Variants in CNTN5 observed in about 807,000 individuals in gnomAD.
The protein encoded by CNTN5 is contactin-5.
Under a neutral mutation model 129.1 loss-of-function variants are expected in CNTN5, and 77 were observed. The ratio of observed to expected loss-of-function variants is 0.60; its 90% CI spans 0.50 to 0.72. The LOEUF is 0.72. CNTN5 is among the 30% of genes least tolerant of loss of function. CNTN5 has a pLI of 0.00. For synonymous variants in CNTN5, 509 were observed against 465.6 expected, an observed-to-expected ratio of 1.09 and a Z score of -1.20; for missense variants, 1,478 against 1,328.8, an observed-to-expected ratio of 1.11 and a Z score of -1.75.
In CNTN5 at chr11:100,123,349, T is replaced by C. The variant is rs542533702; in HGVS notation, c.1580+49055T>C. 8.3e-4 allele frequency among the ~76,000 whole-genome samples: 127 copies of C among 152,158 alleles called. 1 individual carries two copies. Among genetic ancestry groups the C allele is most frequent in the African/African-American group, 3.0e-3 (123 of 41,550 alleles). On this transcript the variant is annotated intron_variant, in intron 13 of 24. Transcript: ENST00000524871. ...CTCTATATATGTCTAGTCTTAATAT[T>C]CCATGCAGAAAGAGGAATCAAATTC...
chr11:99,164,570 ACTTACT>A (rs1860786410), intron 1 of CNTN5, among the ~76,000 whole-genome samples: 1 of 152,186 alleles, frequency 6.6e-6, no homozygotes. Flanking sequence ...AGAGTAACAT[ACTTACT>A]CTTAATGTGC....
intron 18 of CNTN5, among the ~76,000 whole-genome samples, chr11:100,277,801 T>G (rs1250728086): frequency 6.6e-6 from 1 of 152,082 alleles, no homozygotes; most frequent in Non-Finnish European, 1.5e-5. Flanking sequence ...TCCTTTGCTG[T>G]GTAGAAGCTT....
intron 1 of CNTN5, among the ~76,000 whole-genome samples, chr11:99,291,854 T>C (rs1864184116): frequency 1.3e-5 from 2 of 152,020 alleles, no homozygotes; most frequent in South Asian, 2.1e-4. Context: ...GCTCTGAAGA[T>C]ATATTCATAC....
At chr11:99,678,993 A>G (rs1953426774) in intron 3 of CNTN5, among the ~76,000 whole-genome samples, 1 of 147,766 alleles carries the variant, frequency 6.8e-6, no homozygotes, top group Non-Finnish European at 1.5e-5. Context: ...AATTCCATAA[A>G]TATACATATT....
At chr11:99,048,794 T>C (rs1483612719) in intron 1 of CNTN5, among the ~76,000 whole-genome samples, 1 of 152,198 alleles carries the variant, frequency 6.6e-6, no homozygotes, top group Non-Finnish European at 1.5e-5. Context: ...ACTGCCATTT[T>C]GGCATTTCTT....
chr11:99,277,150 G>A (rs1222939908), intron 1 of CNTN5, among the ~76,000 whole-genome samples: 1 of 151,542 alleles, frequency 6.6e-6, no homozygotes, highest in African/African-American at 2.4e-5. Flanking sequence ...AGGTGCTGAG[G>A]GAGTTGATTT....
At chr11:99,985,003 C>G (rs551805291) in intron 8 of CNTN5, among the ~76,000 whole-genome samples, 1 of 152,130 alleles carries the variant, frequency 6.6e-6, no homozygotes, top group Non-Finnish European at 1.5e-5. Flanking sequence ...TACTATCCTG[C>G]GGCAGTGCCC....
At chr11:99,883,903 G>A (rs1948833620) in intron 6 of CNTN5, among the ~76,000 whole-genome samples, 1 of 152,136 alleles carries the variant, frequency 6.6e-6, no homozygotes, top group Non-Finnish European at 1.5e-5. Flanking sequence ...CACGTCTTCT[G>A]CAACTCATAC....
chr11:99,285,981 C>T (rs1023323234), intron 1 of CNTN5, among the ~76,000 whole-genome samples: 5 of 132,626 alleles, frequency 3.8e-5, no homozygotes, highest in South Asian at 5.0e-4. Flanking sequence ...GAGGTTGTAG[C>T]GAGGTGAGAT....
At chr11:100,237,202 A>G (rs1459342887) in intron 16 of CNTN5, among the ~76,000 whole-genome samples, 1 of 151,518 alleles carries the variant, frequency 6.6e-6, no homozygotes, top group Non-Finnish European at 1.5e-5. Flanking sequence ...AAAAAAAAAA[A>G]AAAAAAGAAA....
chr11:99,722,700 A>G (rs1439610009), intron 3 of CNTN5, among the ~76,000 whole-genome samples: 2 of 151,948 alleles, frequency 1.3e-5, no homozygotes, highest in South Asian at 4.2e-4. Context: ...GTACAGTCAA[A>G]TTGCTAAGAT....
At chr11:100,062,874 A>G (rs570150449) in intron 10 of CNTN5, among the ~76,000 whole-genome samples, 1 of 152,182 alleles carries the variant, frequency 6.6e-6, no homozygotes, top group Non-Finnish European at 1.5e-5. Context: ...CATAGGGAAA[A>G]GTTTTTTTCT....
chr11:99,541,965 A>T lies in CNTN5; in HGVS notation c.-70-14180A>T, dbSNP rs1447941794. ...GAGGGAGATCTTGTCTCAAAAAAAA[A>T]AAAAAAAAAAAAAAGAAAAGAAAAG... is the stretch of plus-strand genomic sequence containing the variant. On this transcript the variant is annotated intron_variant, in intron 2 of 24. Coordinates refer to ENST00000524871, the MANE Select transcript of CNTN5 (RefSeq NM_014361.4). 4.4e-5 allele frequency among the ~76,000 whole-genome samples: 5 copies of T among 114,214 alleles called. No homozygotes were observed. The Admixed American group carries it at 4.8e-4, about 11-fold the overall frequency. 74.9% of individuals were successfully genotyped at this position (114,214 alleles called of 152,430 possible). A position where few individuals can be genotyped will look rare whatever the true frequency, so the allele number is the denominator to read the frequency against.
At chr11:100,197,459 C>T (rs1240294089) in intron 15 of CNTN5, among the ~76,000 whole-genome samples, 2 of 151,868 alleles carry the variant, frequency 1.3e-5, no homozygotes, top group Admixed American at 6.6e-5. Flanking sequence ...AGGAGATAAT[C>T]GTTGTAAGTG....
chr11:99,713,408 G>C (rs2134973943), intron 3 of CNTN5, among the ~76,000 whole-genome samples: 2 of 152,070 alleles, frequency 1.3e-5, no homozygotes, highest in South Asian at 4.1e-4. Context: ...TCAGATGATG[G>C]GGTTTTCTAA....
chr11:100,033,587 A>T (rs771472442), intron 9 of CNTN5, among the ~76,000 whole-genome samples: 50 of 152,128 alleles, frequency 3.3e-4, no homozygotes, highest in African/African-American at 1.0e-3. Context: ...TCTCTCCAAC[A>T]TCTTTAACTC....
At chr11:99,822,807 A>G (rs959468336) in intron 4 of CNTN5, among the ~76,000 whole-genome samples, 2 of 152,232 alleles carry the variant, frequency 1.3e-5, no homozygotes, top group Admixed American at 6.5e-5. Context: ...GGCTATGGCT[A>G]TTAACTTGCC....
Position 99,442,262 on chromosome 11 carries a change from C to T in CNTN5, c.-70-113883C>T, listed in dbSNP as rs140727568. 4.3e-3 allele frequency among the ~76,000 whole-genome samples: 658 copies of T among 152,188 alleles called. 2 individuals carry two copies. The highest frequency in any genetic ancestry group is 0.023 in the South Asian group (110 of 4,818). ...TTGGCTCACCGCAACCTCCACCTCC[C>T]GGGTTCTAGCGATTCTCCCTCCTCA... On this transcript the variant is annotated intron_variant, in intron 2 of 24. Transcript: ENST00000524871.
At chr11:99,821,187 G>T (rs575733721) in intron 4 of CNTN5, among the ~76,000 whole-genome samples, 86 of 152,078 alleles carry the variant, frequency 5.7e-4, no homozygotes, top group Admixed American at 1.4e-3. Flanking sequence ...TTGTATAGTC[G>T]GTATAATTTT....
Sources: gnomAD v4.1 joint callset for allele counts (sites outside exome capture counted in the v4.1 genomes callset) on GRCh38, gnomAD v4.1.1 for gene constraint, MANE v1.5 for transcripts, NCBI Gene and HGNC (gene_info 2026-07-23, HGNC 2026-07-21) for gene names.